Variants in MTMR3 observed in about 807,000 individuals in gnomAD.
MTMR3 encodes the protein myotubularin related protein 3, also known as phosphatidylinositol-3,5-bisphosphate 3-phosphatase MTMR3.
In MTMR3, 32 loss-of-function variants were observed where a neutral mutation model predicts 132.4. That is an observed-to-expected ratio of 0.24 (90% CI 0.18 to 0.32). The LOEUF (loss-of-function observed/expected upper bound fraction) is 0.32, where lower values mean the gene tolerates loss of function less well. MTMR3 is among the 10% of genes least tolerant of loss of function. MTMR3 has a pLI of 1.00. For synonymous variants in MTMR3, 556 were observed against 550.3 expected, an observed-to-expected ratio of 1.01 and a Z score of -0.14; for missense variants, 1,216 against 1,489.6, an observed-to-expected ratio of 0.82 and a Z score of 3.02.
At position 29,887,941 on chromosome 22, in the gene MTMR3, A is replaced by G. The variant is rs533498928; in HGVS notation, c.-138+4582A>G. 2.2e-4 allele frequency among the ~76,000 whole-genome samples: 34 copies of G among 152,318 alleles called. No homozygotes were observed. In the South Asian group the frequency reaches 5.2e-3, roughly 23 times the overall value. The stretch of plus-strand genomic sequence containing the variant: ...AGATATTCAGAATGATTCTGTTACA[A>G]CAGATGGTAGCAAGCTTTTCTGATT... On this transcript the variant is annotated intron_variant, in intron 1 of 19. Coordinates refer to ENST00000401950, the MANE Select transcript of MTMR3 (RefSeq NM_021090.4).
chr22:29,935,997 C>T (rs1007711364), intron 1 of MTMR3, among the ~76,000 whole-genome samples: 5 of 151,956 alleles, frequency 3.3e-5, no homozygotes. Context: ...CATGATCCGC[C>T]CTCTTTGGCC....
intron 8 of MTMR3, 36 bp from the exon 9 acceptor site, chr22:30,002,844 C>A: frequency 6.6e-7 from 1 of 1,509,706 alleles, no homozygotes. Flanking sequence ...CCTCTCTTAT[C>A]CCCTTGACTC....
intron 5 of MTMR3, 89 bp downstream of exon 5, chr22:29,979,141 A>G: frequency 1.2e-6 from 1 of 856,352 alleles, no homozygotes; most frequent in Non-Finnish European, 2.0e-6. Flanking sequence ...AGAGGCATAC[A>G]GAATTGGGAG....
intron 2 of MTMR3, among the ~76,000 whole-genome samples, chr22:29,960,331 T>C (rs1347412687): frequency 6.6e-6 from 1 of 152,218 alleles, no homozygotes; most frequent in Non-Finnish European, 1.5e-5. Context: ...GTGTTAAATT[T>C]TCTGAAATTG....
At position 30,009,041 on chromosome 22, in the gene MTMR3, G is replaced by A. The variant is rs749105429; in HGVS notation, c.1033G>A (p.Val345Met). Reference sequence around the variant, plus strand: ...AGAGTATTACCCAAACTGTGAAGTTGTGTTTATGGGGATGGCAAACATTCA... The same window carrying A: ...AGAGTATTACCCAAACTGTGAAGTTATGTTTATGGGGATGGCAAACATTCA... Reference protein sequence around the residue: ...CPEYYPNCEVVFMGMANIHSI... With the variant: ...CPEYYPNCEVMFMGMANIHSI... Residue 345 changes from valine to methionine, a missense_variant, in exon 12 of 20, where the codon GTG (valine) becomes ATG (methionine). Physicochemically the swap from Val to Met is conservative, Grantham distance 21. Around this residue, in one of 7 missense-constraint regions of MTMR3, gnomAD observed 106 missense variants for 209.5 expected, o/e 0.51. Coordinates refer to ENST00000401950, the MANE Select transcript of MTMR3 (RefSeq NM_021090.4). 3 of 1,612,098 alleles carry A rather than the reference G, an allele frequency of 1.9e-6. No individual in the cohort carries two copies. Among genetic ancestry groups the A allele is most frequent in the East Asian group, 2.2e-5 (1 of 44,872 alleles).
chr22:29,912,264 T>A (rs1285050030), intron 1 of MTMR3, among the ~76,000 whole-genome samples: 1 of 152,176 alleles, frequency 6.6e-6, no homozygotes, highest in Non-Finnish European at 1.5e-5. Context: ...TTCCTGTCTT[T>A]TTATTATTTA....
intron 14 of MTMR3, 50 bp downstream of exon 14, chr22:30,013,591 C>G: frequency 1.3e-6 from 2 of 1,557,398 alleles, no homozygotes; most frequent in East Asian, 2.3e-5. Context: ...AGGGTCAGTA[C>G]AAATGTTAGT....
chr22:29,954,057 G>GTTTTTTTTTTTT (rs753326368), intron 1 of MTMR3, among the ~76,000 whole-genome samples: 3 of 49,084 alleles, frequency 6.1e-5, no homozygotes, highest in African/African-American at 2.7e-4. Context: ...TTTCAAATGA[G>GTTTTTTTTTTTT]TCTTTTTTTT....
chr22:30,021,080 A>G, intron 17 of MTMR3, 196 bp downstream of exon 17: 4 of 619,084 alleles, frequency 6.5e-6, no homozygotes, highest in Non-Finnish European at 2.8e-6. Flanking sequence ...TGCTTCGCTT[A>G]CTTTCTGCAG....
chr22:29,967,236 T>TGCGCGCGCGC (rs140226487), intron 2 of MTMR3, among the ~76,000 whole-genome samples: 1 of 139,614 alleles, frequency 7.2e-6, no homozygotes. Context: ...TGTGTGTGCA[T>TGCGCGCGCGC]GCGCGCGCGC....
intron 11 of MTMR3, 90 bp downstream of exon 11, chr22:30,008,122 T>G: frequency 4.6e-6 from 7 of 1,520,624 alleles, no homozygotes; most frequent in East Asian, 4.7e-5. Context: ...TTGAAATAAG[T>G]GGCAAGCCAT....
At chr22:29,966,608 A>G (rs2066420624) in intron 2 of MTMR3, among the ~76,000 whole-genome samples, 1 of 152,126 alleles carries the variant, frequency 6.6e-6, no homozygotes, top group East Asian at 1.9e-4. Context: ...ATTCTATACT[A>G]GTTCATTTTG....
chr22:29,931,868 C>T (rs1431168127), intron 1 of MTMR3, among the ~76,000 whole-genome samples: 2 of 148,246 alleles, frequency 1.3e-5, no homozygotes, highest in Admixed American at 1.4e-4. Flanking sequence ...TGTAAGACAG[C>T]AATGTCACGG....
rs758223330 is a variant in MTMR3, at chr22:30,020,842, G to T, written c.3183G>T (p.Leu1061=). The T allele has an allele frequency of 1.9e-5, 31 of 1,606,644 alleles. No homozygotes were observed. Among genetic ancestry groups the T allele is most frequent in the African/African-American group, 2.7e-5 (2 of 74,760 alleles). ...ELKSRLESQY[L]TSSLHFNGDF... ...AGAGTCGCCTGGAGAGCCAGTACCT[G>T]ACCAGCTCCCTACACTTTAATGGAG... is the stretch of plus-strand genomic sequence containing the variant. Residue 1061 remains leucine, a synonymous_variant, in exon 17 of 20, where the codon CTG becomes CTT. Transcript: ENST00000401950.
intron 1 of MTMR3, among the ~76,000 whole-genome samples, chr22:29,900,985 C>T (rs1223953622): frequency 1.3e-5 from 2 of 152,166 alleles, no homozygotes; most frequent in Non-Finnish European, 2.9e-5. Flanking sequence ...CTGCGTCCGG[C>T]CTAAGCCTGT....
chr22:29,952,265 T>C (rs2066097575), intron 1 of MTMR3, among the ~76,000 whole-genome samples: 1 of 152,152 alleles, frequency 6.6e-6, no homozygotes, highest in Non-Finnish European at 1.5e-5. Context: ...GAAATGATAA[T>C]ATTTTAGCAG....
chr22:29,934,345 C>G (rs928357382), intron 1 of MTMR3, among the ~76,000 whole-genome samples: 6 of 151,912 alleles, frequency 3.9e-5, no homozygotes, highest in Admixed American at 3.3e-4. Flanking sequence ...TAGAGAGAGA[C>G]TCTGTCTCAA....
chr22:29,982,687 G>A (rs564293162), intron 5 of MTMR3: 40 of 147,032 alleles, frequency 2.7e-4, no homozygotes, highest in African/African-American at 9.8e-4. Flanking sequence ...AGCACATTGA[G>A]TAAAATGTGT....
At chr22:29,910,720 T>G (rs1438587005) in intron 1 of MTMR3, among the ~76,000 whole-genome samples, 3 of 152,110 alleles carry the variant, frequency 2.0e-5, no homozygotes, top group East Asian at 3.8e-4. Context: ...TTTCCTTTTT[T>G]TTTTTTTTAA....
Sources: gnomAD v4.1 joint callset for allele counts (sites outside exome capture counted in the v4.1 genomes callset) on GRCh38, gnomAD v4.1.1 for gene constraint, gnomAD v4.1.1 regional missense constraint, MANE v1.5 for transcripts, NCBI Gene and HGNC (gene_info 2026-07-23, HGNC 2026-07-21) for gene names.